The following SESN1 variants were observed in gnomAD, a reference collection of about 807,000 sequenced individuals.
SESN1 encodes sestrin-1.
In SESN1, 30 loss-of-function variants were observed where a neutral mutation model predicts 59.3. The ratio of observed to expected loss-of-function variants is 0.51; its 90% CI spans 0.38 to 0.69. The LOEUF is 0.69. Among genes scored for constraint, SESN1 ranks in the 30% least tolerant of loss-of-function variants. The pLI is 0.00. For missense variants in SESN1, 566 were observed against 673.0 expected (o/e 0.84, Z 1.76); for synonymous variants, 197 against 219.9 (o/e 0.90, Z 0.92).
intron 1 of SESN1, among the ~76,000 whole-genome samples, chr6:109,022,807 G>A (rs1280044775): frequency 6.6e-6 from 1 of 152,102 alleles, no homozygotes; most frequent in Non-Finnish European, 1.5e-5. Context: ...ACTCAGAGAG[G>A]TTAAGTATTT....
intron 1 of SESN1, among the ~76,000 whole-genome samples, chr6:109,053,063 T>C (rs1402524661): frequency 3.3e-5 from 5 of 152,134 alleles, no homozygotes; most frequent in Admixed American, 2.0e-4. Context: ...TGTGTGTGTG[T>C]GTGCGTGCGT....
chr6:109,069,598 G>A (rs375367520), intron 1 of SESN1, among the ~76,000 whole-genome samples: 2 of 151,860 alleles, frequency 1.3e-5, no homozygotes, highest in African/African-American at 2.4e-5. Context: ...CTGGAGGGCA[G>A]TGATACAATC....
intron 7 of SESN1, among the ~76,000 whole-genome samples, chr6:108,992,468 A>G (rs1779406272): frequency 6.6e-6 from 1 of 152,158 alleles, no homozygotes; most frequent in Admixed American, 6.5e-5. Flanking sequence ...AAATATTTTC[A>G]TAATTCTGGT....
chr6:109,013,556 GA>G (rs1779891553), intron 1 of SESN1, among the ~76,000 whole-genome samples: 1 of 152,174 alleles, frequency 6.6e-6, no homozygotes, highest in Non-Finnish European at 1.5e-5. Context: ...TATTTTAGTA[GA>G]AAAAGCAGTA....
chr6:108,987,452 T>C lies in SESN1; in HGVS notation c.*92A>G, dbSNP rs1779228288. 1.7e-6 allele frequency: 1 copy of C among 602,764 alleles called. No homozygotes were observed. Among genetic ancestry groups the C allele is most frequent in the Non-Finnish European group, 2.9e-6 (1 of 346,988 alleles). 37.3% of individuals were successfully genotyped at this position (602,764 alleles called of 1,614,324 possible). On this transcript the variant is annotated 3_prime_UTR_variant, in exon 10 of 10. Transcript: ENST00000436639. ...TGGCACAATGGATTTCTGAATTATT[T>C]TGTCTACCATTGGTCCTGGGGCTTA...
At chr6:109,013,759 T>A (rs1176948838) in intron 1 of SESN1, among the ~76,000 whole-genome samples, 1 of 152,198 alleles carries the variant, frequency 6.6e-6, no homozygotes, top group Non-Finnish European at 1.5e-5. Context: ...TACATTTATG[T>A]GGTTTAAGCA....
chr6:108,987,471 G>A lies in SESN1; in HGVS notation c.*73C>T, dbSNP rs995662129. 18 of 745,484 alleles carry A rather than the reference G, an allele frequency of 2.4e-5. No individual in the cohort carries two copies. Among genetic ancestry groups the A allele is most frequent in the Non-Finnish European group, 3.8e-5 (17 of 443,446 alleles). 46.2% of individuals were successfully genotyped at this position (745,484 alleles called of 1,614,324 possible). A position where few individuals can be genotyped will look rare whatever the true frequency, so the allele number is the denominator to read the frequency against. On this transcript the variant is annotated 3_prime_UTR_variant, in exon 10 of 10. Coordinates refer to ENST00000436639, the MANE Select transcript of SESN1 (RefSeq NM_014454.3). ...ATTATTTTGTCTACCATTGGTCCTG[G>A]GGCTTAGTACCTTCCCCCTTGTAGA...
intron 1 of SESN1, among the ~76,000 whole-genome samples, chr6:109,040,803 C>T (rs906604642): frequency 2.6e-5 from 4 of 151,930 alleles, no homozygotes; most frequent in East Asian, 2.0e-4. Flanking sequence ...CAGGTGCACG[C>T]GACCACGCCC....
chr6:109,015,720 G>A (rs1309366581), intron 1 of SESN1, among the ~76,000 whole-genome samples: 4 of 152,108 alleles, frequency 2.6e-5, no homozygotes. Context: ...TATGTTGCTA[G>A]GCGCTACTGA....
chr6:109,009,699 G>C (rs1032583711), intron 1 of SESN1: 2 of 339,040 alleles, frequency 5.9e-6, no homozygotes, highest in African/African-American at 4.4e-5. Context: ...GGGAACTGGC[G>C]GTCTGACGCG....
chr6:109,068,611 T>G lies in SESN1; in HGVS notation c.279+25184A>C, dbSNP rs114754318. Reference sequence around the variant, plus strand: ...CATAAGAGATATAATAGAGGAGAAGTAACAAAAGAGAGGATAGAAGAGTAA... The same window carrying G: ...CATAAGAGATATAATAGAGGAGAAGGAACAAAAGAGAGGATAGAAGAGTAA... On this transcript the variant is annotated intron_variant, in intron 1 of 9. Transcript: ENST00000436639. Among the ~76,000 whole-genome samples, 1,185 of 150,740 alleles carry G rather than the reference T, an allele frequency of 7.9e-3. 21 individuals carry two copies. Among genetic ancestry groups the G allele is most frequent in the African/African-American group, 0.028 (1,135 of 41,050 alleles).
At position 109,009,532 on chromosome 6, in the gene SESN1, A is replaced by G. The variant is rs566398143; in HGVS notation, c.280-7189T>C. ...GCAGCCGGCCGCGGCTCCTGGCTGC[A>G]GCGCCTCAGTCAGCACGGACGGCGG... On this transcript the variant is annotated intron_variant, in intron 1 of 9. Coordinates refer to ENST00000436639, the MANE Select transcript of SESN1 (RefSeq NM_014454.3). The G allele has an allele frequency of 5.3e-4, 615 of 1,170,418 alleles. 7 individuals carry two copies. In the African/African-American group the frequency reaches 9.4e-3, roughly 18 times the overall value. 72.5% of individuals were successfully genotyped at this position (1,170,418 alleles called of 1,614,324 possible). A position where few individuals can be genotyped will look rare whatever the true frequency, so the allele number is the denominator to read the frequency against.
chr6:108,999,702 A>T (rs1779574264), intron 4 of SESN1, among the ~76,000 whole-genome samples: 1 of 152,186 alleles, frequency 6.6e-6, no homozygotes, highest in Non-Finnish European at 1.5e-5. Context: ...TGCCCTTTGG[A>T]AGAGTTTTAC....
intron 1 of SESN1, among the ~76,000 whole-genome samples, chr6:109,043,794 C>T (rs529347037): frequency 5.6e-4 from 85 of 152,212 alleles, no homozygotes. Context: ...GTTCAACATT[C>T]CAAATATAAT....
intron 7 of SESN1, among the ~76,000 whole-genome samples, chr6:108,991,082 C>CAACA (rs1554262620): frequency 8.0e-5 from 12 of 149,810 alleles, no homozygotes; most frequent in African/African-American, 2.9e-4. Context: ...AAAACAACAA[C>CAACA]AAAAAAAAAC....
chr6:109,039,154 G>GAGGAGAAGGAGAAGGA (rs138368085), intron 1 of SESN1, among the ~76,000 whole-genome samples: 14,841 of 151,122 alleles, frequency 0.098, 890 homozygotes, highest in Middle Eastern at 0.18. Context: ...GAGAAGGAAG[G>GAGGAGAAGGAGAAGGA]AGGAGGAGGA....
chr6:109,017,498 G>T (rs1206237645), intron 1 of SESN1, among the ~76,000 whole-genome samples: 1 of 152,082 alleles, frequency 6.6e-6, no homozygotes, highest in Non-Finnish European at 1.5e-5. Context: ...TGTTAGCCAG[G>T]ATGGTCTCGA....
chr6:109,056,757 T>C (rs1019652843), intron 1 of SESN1, among the ~76,000 whole-genome samples: 2 of 152,158 alleles, frequency 1.3e-5, no homozygotes, highest in Non-Finnish European at 2.9e-5. Context: ...AGGAGGCAGC[T>C]TACAAGATGG....
chr6:109,001,956 C>T (rs988335704), intron 2 of SESN1, among the ~76,000 whole-genome samples: 6 of 152,184 alleles, frequency 3.9e-5, no homozygotes, highest in African/African-American at 1.4e-4. Context: ...CCTGTGGAGA[C>T]AGTCAAGACT....
Sources: allele counts gnomAD v4.1 joint callset (sites outside exome capture counted in the v4.1 genomes callset), GRCh38; gene constraint gnomAD v4.1.1; transcripts MANE v1.5; gene names NCBI Gene and HGNC (gene_info 2026-07-23, HGNC 2026-07-21).